Variants in MYOM1 observed in about 807,000 individuals in gnomAD.
MYOM1 encodes the protein myomesin 1.
A neutral mutation model predicts 205.3 loss-of-function variants in MYOM1; 164 were observed. The observed-to-expected ratio is 0.80, with a 90% confidence interval of 0.70 to 0.91. The LOEUF (loss-of-function observed/expected upper bound fraction) is 0.91. MYOM1 is among the 40% of genes least tolerant of loss of function. The pLI is 0.00. For synonymous variants in MYOM1, 772 were observed against 789.4 expected (o/e 0.98, Z 0.37); for missense variants, 2,011 against 2,127.3 (o/e 0.95, Z 1.08).
At chr18:3,203,294 G>C (rs923168421) in intron 2 of MYOM1, among the ~76,000 whole-genome samples, 7 of 148,928 alleles carry the variant, frequency 4.7e-5, no homozygotes, top group Non-Finnish European at 7.5e-5. Context: ...AGACTAGAGG[G>C]GAAATAAATG....
intron 2 of MYOM1, among the ~76,000 whole-genome samples, chr18:3,208,385 G>A (rs1247892960): frequency 1.3e-5 from 2 of 152,148 alleles, no homozygotes; most frequent in East Asian, 1.9e-4. Context: ...ATAGTGGCAC[G>A]CGCCTATAGT....
chr18:3,183,716 C>T (rs2080772091), intron 5 of MYOM1, among the ~76,000 whole-genome samples: 1 of 152,140 alleles, frequency 6.6e-6, no homozygotes, highest in Admixed American at 6.5e-5. Context: ...TCCTCAGTGT[C>T]AGGCCCAGGA....
chr18:3,096,839 A>C (rs999567658), intron 25 of MYOM1, among the ~76,000 whole-genome samples: 3 of 151,944 alleles, frequency 2.0e-5, no homozygotes, highest in African/African-American at 7.2e-5. Context: ...TGGTGTATGG[A>C]TATATATTCA....
intron 12 of MYOM1, among the ~76,000 whole-genome samples, chr18:3,150,312 T>G (rs1352315956): frequency 6.6e-6 from 1 of 152,194 alleles, no homozygotes; most frequent in Non-Finnish European, 1.5e-5. Context: ...TCCACCCGCC[T>G]CGACCTCCCA....
At chr18:3,244,525 G>A in the MYOM1 span, among the ~76,000 whole-genome samples, 3 of 152,062 alleles carry the variant, frequency 2.0e-5, no homozygotes, top group South Asian at 2.1e-4. Flanking sequence ...AGGCACAGAC[G>A]GGCAGATCAC....
intron 2 of MYOM1, among the ~76,000 whole-genome samples, chr18:3,201,349 A>G (rs2081064502): frequency 6.6e-6 from 1 of 152,020 alleles, no homozygotes; most frequent in African/African-American, 2.4e-5. Context: ...CAGTGAGCCA[A>G]GATCGTGCCA....
intron 2 of MYOM1, among the ~76,000 whole-genome samples, chr18:3,201,728 C>T (rs753583686): frequency 1.3e-5 from 2 of 151,088 alleles, no homozygotes; most frequent in African/African-American, 4.9e-5. Context: ...ACTATAACCT[C>T]GATCTCCCGG....
At position 3,095,239 on chromosome 18, in the gene MYOM1, C is replaced by T. The variant is rs139789536; in HGVS notation, c.3728-933G>A. 3.1e-3 allele frequency among the ~76,000 whole-genome samples: 474 copies of T among 152,046 alleles called. 1 individual carries two copies. Among genetic ancestry groups the T allele is most frequent in the Non-Finnish European group, 3.0e-3 (202 of 67,988 alleles). Reference sequence around the variant, plus strand: ...CCAGTTACTCTCCTCCTTTAGACCTCGTGTCCCTCACCTGCTAACATGGAT... The same window carrying T: ...CCAGTTACTCTCCTCCTTTAGACCTTGTGTCCCTCACCTGCTAACATGGAT... On this transcript the variant is annotated intron_variant, in intron 25 of 37. Coordinates refer to ENST00000356443, the MANE Select transcript of MYOM1 (RefSeq NM_003803.4).
At chr18:3,159,603 C>T (rs1316729004) in intron 10 of MYOM1, among the ~76,000 whole-genome samples, 8 of 152,006 alleles carry the variant, frequency 5.3e-5, no homozygotes, top group African/African-American at 1.2e-4. Flanking sequence ...TGTCCATCAG[C>T]GGGTGAACGT....
At chr18:3,167,155 A>G (rs915794907) in intron 9 of MYOM1, among the ~76,000 whole-genome samples, 1 of 152,204 alleles carries the variant, frequency 6.6e-6, no homozygotes, top group Non-Finnish European at 1.5e-5. Flanking sequence ...TGTTAGACCT[A>G]ATACAGACAA....
chr18:3,118,010 C>T (rs556193872), intron 20 of MYOM1, among the ~76,000 whole-genome samples: 24 of 152,220 alleles, frequency 1.6e-4, no homozygotes, highest in Non-Finnish European at 3.4e-4. Context: ...AGTATCCCTG[C>T]CCTACAGATG....
chr18:3,205,586 G>A (rs540794743), intron 2 of MYOM1, among the ~76,000 whole-genome samples: 1 of 152,096 alleles, frequency 6.6e-6, no homozygotes, highest in Admixed American at 6.5e-5. Flanking sequence ...ACAAGGATGT[G>A]GATAAACTAG....
At chr18:3,203,408 G>T (rs897807669) in intron 2 of MYOM1, among the ~76,000 whole-genome samples, 1 of 151,620 alleles carries the variant, frequency 6.6e-6, no homozygotes, top group Non-Finnish European at 1.5e-5. Flanking sequence ...ACAAATAATA[G>T]AAGACACAAA....
At chr18:3,155,441 G>A (rs1426482711) in intron 10 of MYOM1, among the ~76,000 whole-genome samples, 1 of 152,176 alleles carries the variant, frequency 6.6e-6, no homozygotes, top group Non-Finnish European at 1.5e-5. Flanking sequence ...AGCCAGGATG[G>A]TCTTGATCTC....
At chr18:3,203,741 T>TC (rs2081095514) in intron 2 of MYOM1, among the ~76,000 whole-genome samples, 1 of 151,154 alleles carries the variant, frequency 6.6e-6, no homozygotes, top group African/African-American at 2.4e-5. Flanking sequence ...TTTTTTTTTT[T>TC]CCAAAAATAG....
chr18:3,205,264 A>G (rs541258533), intron 2 of MYOM1, among the ~76,000 whole-genome samples: 4 of 152,204 alleles, frequency 2.6e-5, no homozygotes, highest in African/African-American at 7.2e-5. Flanking sequence ...TTGGAAAGAC[A>G]CTGCAGTAAA....
At chr18:3,169,011 T>A (rs773764528) in intron 8 of MYOM1, 30 bp from the exon 9 acceptor site, 1 of 1,581,944 alleles carries the variant, frequency 6.3e-7, no homozygotes, top group South Asian at 1.2e-5. Context: ...ATATCAGTAA[T>A]TTTTTTCTTC....
intron 18 of MYOM1, among the ~76,000 whole-genome samples, 165 bp from the exon 19 acceptor site, chr18:3,127,062 G>A (rs1353955849): frequency 6.6e-6 from 1 of 151,932 alleles, no homozygotes; most frequent in African/African-American, 2.4e-5. Flanking sequence ...AATGGACACA[G>A]TAAAAAGTAC....
At position 3,117,672 on chromosome 18, in the gene MYOM1, T is replaced by A. The variant is rs954416025; in HGVS notation, c.3119-1157A>T. Among the ~76,000 whole-genome samples the A allele has an allele frequency of 5.3e-5, 8 of 152,040 alleles. No individual in the cohort carries two copies. In the Middle Eastern group the frequency reaches 0.01, roughly 194 times the overall value. ...TTTTTTCCTTTCCTTTTTTTTTTTT[T>A]AAATAACAACTGACATCTAGCCAAC... On this transcript the variant is annotated intron_variant, in intron 20 of 37. Transcript: ENST00000356443.
Sources: allele counts gnomAD v4.1 joint callset (sites outside exome capture counted in the v4.1 genomes callset), GRCh38; gene constraint gnomAD v4.1.1; transcripts MANE v1.5; gene names NCBI Gene and HGNC (gene_info 2026-07-23, HGNC 2026-07-21).